Variants in PEX5L observed in about 807,000 individuals in gnomAD.
PEX5L encodes peroxisomal biogenesis factor 5 like, also known as PEX5-related protein.
In PEX5L, 30 loss-of-function variants were observed where a neutral mutation model predicts 84.0. The ratio of observed to expected loss-of-function variants is 0.36; its 90% CI spans 0.27 to 0.48. PEX5L has a LOEUF of 0.48. Ranked by LOEUF, PEX5L falls within the 20% of genes least tolerant of loss-of-function variation. The pLI, the probability that PEX5L is intolerant of heterozygous loss-of-function variation, is 0.99. For missense variants in PEX5L, 533 were observed against 754.6 expected (o/e 0.71, Z 3.44); for synonymous variants, 270 against 283.1 (o/e 0.95, Z 0.46).
intron 1 of PEX5L, among the ~76,000 whole-genome samples, chr3:180,028,960 G>A (rs912407833): frequency 1.3e-5 from 2 of 152,174 alleles, no homozygotes; most frequent in African/African-American, 4.8e-5. Flanking sequence ...AGAAGCTAAT[G>A]CACTTTTAGG....
chr3:179,809,231 T>C (rs1722755111), intron 12 of PEX5L, among the ~76,000 whole-genome samples: 2 of 152,182 alleles, frequency 1.3e-5, no homozygotes, highest in African/African-American at 4.8e-5. Context: ...CATTTGACTT[T>C]AAAATGTGGC....
intron 8 of PEX5L, among the ~76,000 whole-genome samples, chr3:179,857,214 CAGTACAGACA>C (rs1338458848): frequency 6.6e-6 from 1 of 152,076 alleles, no homozygotes; most frequent in Non-Finnish European, 1.5e-5. Flanking sequence ...ACTCAGGTCC[CAGTACAGACA>C]AGGAGAAGCC....
intron 7 of PEX5L, among the ~76,000 whole-genome samples, chr3:179,868,243 G>A (rs909274724): frequency 6.6e-6 from 1 of 151,686 alleles, no homozygotes; most frequent in Non-Finnish European, 1.5e-5. Context: ...CTCTTTAGCT[G>A]TGTCACCTGG....
At chr3:179,907,358 G>T (rs1268931888) in intron 2 of PEX5L, among the ~76,000 whole-genome samples, 1 of 152,110 alleles carries the variant, frequency 6.6e-6, no homozygotes. Flanking sequence ...TGTTGCCCAG[G>T]CTGAAGTTCA....
intron 7 of PEX5L, among the ~76,000 whole-genome samples, chr3:179,873,408 A>G (rs1424752463): frequency 2.0e-5 from 3 of 152,242 alleles, no homozygotes; most frequent in African/African-American, 7.2e-5. Flanking sequence ...TTCCTTAAAC[A>G]CTGAATCTCA....
At chr3:179,929,861 C>T (rs1208624340) in intron 2 of PEX5L, among the ~76,000 whole-genome samples, 1 of 152,236 alleles carries the variant, frequency 6.6e-6, no homozygotes, top group East Asian at 1.9e-4. Context: ...CTATCTTGCT[C>T]TTTCTGGTTC....
chr3:179,993,746 G>T lies in PEX5L; in HGVS notation c.22-22081C>A, dbSNP rs576979573. Among the ~76,000 whole-genome samples the T allele has an allele frequency of 1.0e-3, 155 of 152,100 alleles. 1 individual carries two copies. Among genetic ancestry groups the T allele is most frequent in the African/African-American group, 3.5e-3 (146 of 41,506 alleles). On this transcript the variant is annotated intron_variant, in intron 1 of 14. Transcript: ENST00000467460. The stretch of plus-strand genomic sequence containing the variant: ...TCTAACTCCTGAGCTCAAGTGATCT[G>T]CCCGCCTCGACCTCCCAAAGTGCTG...
At chr3:179,847,535 A>T (rs1262318290) in intron 8 of PEX5L, among the ~76,000 whole-genome samples, 1 of 152,218 alleles carries the variant, frequency 6.6e-6, no homozygotes, top group Admixed American at 6.5e-5. Flanking sequence ...TGAATAAAGG[A>T]AATTCAAGAT....
At chr3:179,891,110 A>G (rs1410507116) in intron 3 of PEX5L, among the ~76,000 whole-genome samples, 5 of 151,792 alleles carry the variant, frequency 3.3e-5, no homozygotes, top group Non-Finnish European at 7.4e-5. Context: ...GACTTCAGGA[A>G]GCCCAGGACA....
At chr3:179,815,008 G>A (rs1367244495) in intron 10 of PEX5L, among the ~76,000 whole-genome samples, 1 of 152,028 alleles carries the variant, frequency 6.6e-6, no homozygotes, top group African/African-American at 2.4e-5. Flanking sequence ...CAGAAAGGCT[G>A]GATGCTTTCT....
intron 1 of PEX5L, among the ~76,000 whole-genome samples, chr3:179,976,968 C>T (rs1001799705): frequency 3.3e-5 from 5 of 152,172 alleles, no homozygotes; most frequent in East Asian, 1.9e-4. Context: ...GTAACAGCAA[C>T]GATCCTTTGG....
chr3:179,801,681 G>C lies in PEX5L; in HGVS notation c.*147C>G. Reference sequence around the variant, plus strand: ...TGGATCTGAACAGAGACTGGGCATTGTCCACAGGAATTAATTTCCTTGGGC... The same window carrying C: ...TGGATCTGAACAGAGACTGGGCATTCTCCACAGGAATTAATTTCCTTGGGC... On this transcript the variant is annotated 3_prime_UTR_variant, in exon 15 of 15. Coordinates refer to ENST00000467460, the MANE Select transcript of PEX5L (RefSeq NM_016559.3). 1.5e-6 allele frequency: 1 copy of C among 649,678 alleles called. No individual in the cohort carries two copies. Among genetic ancestry groups the C allele is most frequent in the Non-Finnish European group, 2.7e-6 (1 of 367,142 alleles). The allele number at this position is 649,678 out of a possible 1,614,324, so 40.2% of individuals were successfully genotyped here.
At chr3:179,938,310 A>G (rs1431490858) in intron 2 of PEX5L, among the ~76,000 whole-genome samples, 1 of 152,198 alleles carries the variant, frequency 6.6e-6, no homozygotes, top group East Asian at 1.9e-4. Flanking sequence ...GATGCTAATG[A>G]AGGCACCCTG....
At chr3:179,904,547 G>A (rs1453745121) in intron 2 of PEX5L, among the ~76,000 whole-genome samples, 3 of 152,112 alleles carry the variant, frequency 2.0e-5, no homozygotes. Flanking sequence ...GTGAGATTAT[G>A]ACTTTCATGG....
At chr3:179,953,106 A>G (rs1779549752) in intron 2 of PEX5L, among the ~76,000 whole-genome samples, 1 of 79,394 alleles carries the variant, frequency 1.3e-5, no homozygotes, top group African/African-American at 6.7e-5. Flanking sequence ...TCAACTCAAG[A>G]TGGATTAAAG....
In PEX5L at chr3:179,815,921, A is replaced by G; in HGVS notation, c.1023T>C (p.Asp341=). 1 of 1,614,130 alleles carries G rather than the reference A, an allele frequency of 6.2e-7. No homozygotes were observed. The highest frequency in any genetic ancestry group is 8.5e-7 in the Non-Finnish European group (1 of 1,179,988). ...EEGLKRLKEG[D]LPVTILFMEA... ...CCATGAACAGGATGGTGACTGGCAG[A>G]TCCCCTTCCTTCAGCCTTTTTAAGC... The change falls in exon 10 of 15, where the codon GAT becomes GAC. Residue 341 remains aspartate, a synonymous_variant. Transcript: ENST00000467460.
intron 2 of PEX5L, among the ~76,000 whole-genome samples, chr3:179,923,816 T>G (rs1311628601): frequency 6.6e-6 from 1 of 152,160 alleles, no homozygotes; most frequent in African/African-American, 2.4e-5. Flanking sequence ...GTAAGCACAG[T>G]AAGTGTTTAA....
intron 2 of PEX5L, among the ~76,000 whole-genome samples, chr3:179,917,287 C>T (rs573198938): frequency 6.3e-4 from 95 of 151,978 alleles, no homozygotes; most frequent in Non-Finnish European, 1.0e-3. Context: ...ATGTCTTCTT[C>T]GGGAATCCTT....
intron 2 of PEX5L, among the ~76,000 whole-genome samples, chr3:179,944,871 T>C (rs1346625493): frequency 6.6e-6 from 1 of 152,202 alleles, no homozygotes; most frequent in African/African-American, 2.4e-5. Context: ...AATGCAAGAT[T>C]ACAAAACTAG....
Sources: allele counts gnomAD v4.1 joint callset (sites outside exome capture counted in the v4.1 genomes callset), GRCh38; gene constraint gnomAD v4.1.1; transcripts MANE v1.5; gene names NCBI Gene and HGNC (gene_info 2026-07-23, HGNC 2026-07-21).